PPARGC1A: variants seen among roughly 807,000 people sequenced by gnomAD.
PPARGC1A encodes the protein peroxisome proliferator-activated receptor gamma coactivator 1-alpha.
A neutral mutation model predicts 88.7 loss-of-function variants in PPARGC1A; 25 were observed. The ratio of observed to expected loss-of-function variants is 0.28; its 90% confidence interval spans 0.21 to 0.39. The LOEUF (loss-of-function observed/expected upper bound fraction) is 0.39. Ranked by LOEUF, PPARGC1A falls within the 10% of genes least tolerant of loss-of-function variation. The probability of loss-of-function intolerance (pLI) is 1.00; values close to 1 mark genes in which losing one functional copy is unlikely to be tolerated. For synonymous variants in PPARGC1A, 363 were observed against 355.6 expected, an observed-to-expected ratio of 1.02 and a Z score of -0.24; for missense variants, 880 against 968.7, an observed-to-expected ratio of 0.91 and a Z score of 1.22.
chr4:24,207,438 C>T, the PPARGC1A span, among the ~76,000 whole-genome samples: 387 of 152,290 alleles, frequency 2.5e-3, 2 homozygotes, highest in African/African-American at 8.6e-3. Flanking sequence ...ATTTGAAGAA[C>T]ATACTTCAGC....
intron 10 of PPARGC1A, among the ~76,000 whole-genome samples, chr4:23,807,544 A>T (rs1720034578): frequency 6.6e-6 from 1 of 152,226 alleles, no homozygotes. Context: ...ATTATAGAAT[A>T]AGAGTATGCA....
At chr4:23,986,069 C>T in the PPARGC1A span, among the ~76,000 whole-genome samples, 1 of 151,974 alleles carries the variant, frequency 6.6e-6, no homozygotes, top group African/African-American at 2.4e-5. Flanking sequence ...TCTAAAACAA[C>T]CCAACTCTCT....
the PPARGC1A span, among the ~76,000 whole-genome samples, chr4:24,456,845 A>G: frequency 2.0e-5 from 3 of 152,076 alleles, no homozygotes; most frequent in Non-Finnish European, 4.4e-5. Flanking sequence ...ACAGAAGACA[A>G]GGCCAGAGTG....
At chr4:24,312,543 C>T in the PPARGC1A span, among the ~76,000 whole-genome samples, 2 of 144,888 alleles carry the variant, frequency 1.4e-5, no homozygotes, top group Non-Finnish European at 3.0e-5. Context: ...AGAAAATCAG[C>T]TTTCGTGTTT....
intron 12 of PPARGC1A, 76 bp downstream of exon 12, chr4:23,801,654 G>T: frequency 6.7e-7 from 1 of 1,493,390 alleles, no homozygotes; most frequent in Non-Finnish European, 9.3e-7. Context: ...AACCCAAGGT[G>T]CCTACGGATT....
the PPARGC1A span, among the ~76,000 whole-genome samples, chr4:24,409,337 C>T: frequency 5.0e-4 from 76 of 152,316 alleles, no homozygotes; most frequent in African/African-American, 1.8e-3. Context: ...AACCTGCAGT[C>T]AAGAGTAAAA....
the PPARGC1A span, among the ~76,000 whole-genome samples, chr4:24,018,492 G>T: frequency 6.6e-6 from 1 of 151,892 alleles, no homozygotes; most frequent in Non-Finnish European, 1.5e-5. Context: ...GGGTGAGGGT[G>T]ATGAGGGGGG....
At chr4:24,255,064 A>G in the PPARGC1A span, among the ~76,000 whole-genome samples, 2 of 152,236 alleles carry the variant, frequency 1.3e-5, no homozygotes, top group Non-Finnish European at 2.9e-5. Context: ...AATTCACATC[A>G]TTCTTGTTCC....
chr4:23,911,709 G>T, the PPARGC1A span, among the ~76,000 whole-genome samples: 1 of 152,070 alleles, frequency 6.6e-6, no homozygotes, highest in Admixed American at 6.6e-5. Flanking sequence ...AAGTCAATAT[G>T]AATTTCACCA....
At chr4:23,923,030 G>C in the PPARGC1A span, among the ~76,000 whole-genome samples, 2 of 151,672 alleles carry the variant, frequency 1.3e-5, no homozygotes, top group South Asian at 4.2e-4. Context: ...TTTGTTGGCT[G>C]CCTTTAACTC....
At chr4:24,389,579 G>A in the PPARGC1A span, among the ~76,000 whole-genome samples, 1 of 152,130 alleles carries the variant, frequency 6.6e-6, no homozygotes, top group Non-Finnish European at 1.5e-5. Flanking sequence ...TAAGCACATA[G>A]CTAATGTTAG....
At chr4:24,291,450 G>T in the PPARGC1A span, among the ~76,000 whole-genome samples, 1 of 103,782 alleles carries the variant, frequency 9.6e-6, no homozygotes, top group African/African-American at 5.0e-5. Flanking sequence ...CATAGCTCAT[G>T]GCTGCCATTC....
intron 7 of PPARGC1A, among the ~76,000 whole-genome samples, chr4:23,815,258 G>T (rs1360352468): frequency 6.6e-6 from 1 of 152,076 alleles, no homozygotes. Flanking sequence ...CAACTTAACG[G>T]CAGTGATTCT....
chr4:23,917,223 G>A, the PPARGC1A span, among the ~76,000 whole-genome samples: 1 of 152,134 alleles, frequency 6.6e-6, no homozygotes, highest in Non-Finnish European at 1.5e-5. Context: ...AAGATACAAA[G>A]AATAAAATGG....
chr4:24,177,137 A>G, the PPARGC1A span, among the ~76,000 whole-genome samples: 1 of 152,178 alleles, frequency 6.6e-6, no homozygotes, highest in Non-Finnish European at 1.5e-5. Flanking sequence ...AAAGGATTAT[A>G]AATCATGCTG....
chr4:24,104,754 T>A, the PPARGC1A span, among the ~76,000 whole-genome samples: 7 of 152,174 alleles, frequency 4.6e-5, no homozygotes, highest in African/African-American at 1.7e-4. Context: ...ATTAGCTTGG[T>A]GCAACGCCTC....
At chr4:23,910,968 C>T in the PPARGC1A span, among the ~76,000 whole-genome samples, 2 of 151,700 alleles carry the variant, frequency 1.3e-5, no homozygotes, top group Non-Finnish European at 1.5e-5. Flanking sequence ...CAAACTGCCT[C>T]GCTCTAACGT....
intron 4 of PPARGC1A, 21 bp from the exon 5 acceptor site, chr4:23,828,625 A>T (rs765920375): frequency 6.2e-7 from 1 of 1,610,652 alleles, no homozygotes; most frequent in South Asian, 1.1e-5. Context: ...AGGCATAAAG[A>T]AAGCTAAAAT....
At chr4:24,124,519 T>G in the PPARGC1A span, among the ~76,000 whole-genome samples, 1 of 152,200 alleles carries the variant, frequency 6.6e-6, no homozygotes, top group Admixed American at 6.5e-5. Context: ...ACCTGCAATC[T>G]GGGTGTCATT....
Sources: gnomAD v4.1 joint callset for allele counts (sites outside exome capture counted in the v4.1 genomes callset) on GRCh38, gnomAD v4.1.1 for gene constraint, MANE v1.5 for transcripts, NCBI Gene and HGNC (gene_info 2026-07-23, HGNC 2026-07-21) for gene names.